Variants in SLC17A8 observed in about 807,000 individuals in gnomAD.
The protein encoded by SLC17A8 is solute carrier family 17 member 8.
A neutral mutation model predicts 58.0 loss-of-function variants in SLC17A8; 31 were observed. That is an observed-to-expected ratio of 0.53 (90% CI 0.40 to 0.72). The LOEUF (loss-of-function observed/expected upper bound fraction) is 0.72, where lower values mean the gene tolerates loss of function less well. Ranked by LOEUF, SLC17A8 falls within the 30% of genes least tolerant of loss-of-function variation. The pLI is 0.00. For synonymous variants in SLC17A8, 228 were observed against 249.0 expected, an observed-to-expected ratio of 0.92 and a Z score of 0.79; for missense variants, 655 against 727.8, an observed-to-expected ratio of 0.90 and a Z score of 1.15.
At position 100,393,440 on chromosome 12, in the gene SLC17A8, A is replaced by G; in HGVS notation, c.545A>G (p.Tyr182Cys). ...ATTCCCTCTGCAGCCAGAGTGCATT[A>G]CGGATGCGTCATGTGTGTCAGAATT... ...MFIPSAARVHYGCVMCVRILQ... is the reference protein window; with the variant it reads ...MFIPSAARVHCGCVMCVRILQ... Residue 182 changes from tyrosine to cysteine, a missense_variant, in exon 4 of 12, where the codon TAC (tyrosine) becomes TGC (cysteine). Physicochemically the swap from Tyr to Cys is radical, Grantham distance 194. Transcript: ENST00000323346. 1 of 1,613,814 alleles carries G rather than the reference A, an allele frequency of 6.2e-7. No individual in the cohort carries two copies. The highest frequency in any genetic ancestry group is 1.1e-5 in the South Asian group (1 of 91,076).
chr12:100,378,731 AC>A (rs1191731382), intron 1 of SLC17A8, among the ~76,000 whole-genome samples: 1 of 151,984 alleles, frequency 6.6e-6, no homozygotes, highest in Non-Finnish European at 1.5e-5. Flanking sequence ...AACTGCATAG[AC>A]CCCATCAGTA....
chr12:100,386,845 T>C (rs964349112), intron 2 of SLC17A8, among the ~76,000 whole-genome samples: 1 of 152,042 alleles, frequency 6.6e-6, no homozygotes, highest in East Asian at 1.9e-4. Flanking sequence ...TGTGCCACCA[T>C]GCCAGGCTAA....
intron 2 of SLC17A8, among the ~76,000 whole-genome samples, chr12:100,382,904 G>A (rs995058193): frequency 6.6e-6 from 1 of 152,162 alleles, no homozygotes; most frequent in African/African-American, 2.4e-5. Context: ...TTCAAACCAA[G>A]AGATTATTCT....
intron 1 of SLC17A8, among the ~76,000 whole-genome samples, chr12:100,363,902 G>A (rs539970474): frequency 2.6e-5 from 4 of 152,024 alleles, no homozygotes; most frequent in East Asian, 3.9e-4. Context: ...AAATTGCCAG[G>A]CGTGGTGGTG....
rs1301271713 is a variant in SLC17A8 at position 100,381,824 on chromosome 12, A to G, written c.354+871A>G. On this transcript the variant is annotated intron_variant, in intron 2 of 11. Transcript: ENST00000323346. Reference sequence around the variant, plus strand: ...AACATATGGGCTTCTTTAGTAGTACATCAGTGACAAAATCTAGTATTGGGT... The same window carrying G: ...AACATATGGGCTTCTTTAGTAGTACGTCAGTGACAAAATCTAGTATTGGGT... Among the ~76,000 whole-genome samples, 5 of 152,246 alleles carry G rather than the reference A, an allele frequency of 3.3e-5. No homozygotes were observed. In the East Asian group the frequency reaches 9.6e-4, roughly 29 times the overall value.
rs554909960 is a variant in SLC17A8 at position 100,357,224 on chromosome 12, G to T, written c.-168G>T. 67 of 644,996 alleles carry T rather than the reference G, an allele frequency of 1.0e-4. No homozygotes were observed. In the African/African-American group the frequency reaches 1.1e-3, roughly 11 times the overall value. 40.0% of individuals were successfully genotyped at this position (644,996 alleles called of 1,614,324 possible). ...AGGAGGGAGTTGTCTTATCTTGGAA[G>T]ATCCGAGCTGGGTTTCATCTCCTTT... is the stretch of plus-strand genomic sequence containing the variant. On this transcript the variant is annotated 5_prime_UTR_variant, in exon 1 of 12. Transcript: ENST00000323346.
At chr12:100,361,570 G>T (rs573683937) in intron 1 of SLC17A8, among the ~76,000 whole-genome samples, 1 of 152,246 alleles carries the variant, frequency 6.6e-6, no homozygotes, top group South Asian at 2.1e-4. Context: ...TCTTAGGTAG[G>T]TTCCCTAAAA....
intron 9 of SLC17A8, among the ~76,000 whole-genome samples, chr12:100,408,564 C>T (rs552144920): frequency 6.6e-6 from 1 of 152,280 alleles, no homozygotes; most frequent in African/African-American, 2.4e-5. Flanking sequence ...ACATGCAGCC[C>T]TGTCTCTAGT....
chr12:100,358,086 G>C (rs1007946636), intron 1 of SLC17A8, among the ~76,000 whole-genome samples: 13 of 152,138 alleles, frequency 8.5e-5, no homozygotes, highest in Non-Finnish European at 7.4e-5. Context: ...TGAGATTTTA[G>C]TCCAAACCAA....
At chr12:100,419,520 G>A (rs1952931783) in intron 11 of SLC17A8, among the ~76,000 whole-genome samples, 2 of 147,542 alleles carry the variant, frequency 1.4e-5, no homozygotes, top group Admixed American at 6.8e-5. Flanking sequence ...GTGACAGAGC[G>A]AGACTCCATC....
At chr12:100,375,499 C>A (rs981709950) in intron 1 of SLC17A8, among the ~76,000 whole-genome samples, 13 of 152,178 alleles carry the variant, frequency 8.5e-5, no homozygotes, top group Non-Finnish European at 1.9e-4. Flanking sequence ...GAAAGAACGG[C>A]CTCACATCCC....
chr12:100,397,378 T>G (rs1179706324), intron 5 of SLC17A8, among the ~76,000 whole-genome samples: 9 of 152,306 alleles, frequency 5.9e-5, no homozygotes, highest in African/African-American at 2.2e-4. Flanking sequence ...AAATTAATTT[T>G]TGTCATTATA....
At chr12:100,397,949 A>G (rs1952764589) in intron 5 of SLC17A8, among the ~76,000 whole-genome samples, 1 of 152,092 alleles carries the variant, frequency 6.6e-6, no homozygotes, top group African/African-American at 2.4e-5. Flanking sequence ...CTCAAAAAAA[A>G]AAAAAAGTAC....
intron 1 of SLC17A8, among the ~76,000 whole-genome samples, chr12:100,365,363 CAT>C (rs1371156556): frequency 6.6e-6 from 1 of 152,172 alleles, no homozygotes; most frequent in African/African-American, 2.4e-5. Flanking sequence ...CCAGAAACCT[CAT>C]ATAGTGTCTT....
Position 100,408,570 on chromosome 12 carries a change from C to T in SLC17A8, c.1187-4200C>T, listed in dbSNP as rs376479254. On this transcript the variant is annotated intron_variant, in intron 9 of 11. Transcript: ENST00000323346. The stretch of plus-strand genomic sequence containing the variant: ...GCTCCTGAAACATGCAGCCCTGTCT[C>T]TAGTATTTTAACTGTCAGTAGAAAC... Among the ~76,000 whole-genome samples, 35 of 152,278 alleles carry T rather than the reference C, an allele frequency of 2.3e-4. No individual in the cohort carries two copies. The East Asian group carries it at 6.0e-3, about 26-fold the overall frequency.
At position 100,420,860 on chromosome 12, in the gene SLC17A8, A is replaced by G. The variant is rs1203821084; in HGVS notation, c.*701A>G. ...CACTTTAGCAGGTGTTGGGGAAGGG[A>G]AACATTTGGGTTGATGAGGCAGAGG... On this transcript the variant is annotated 3_prime_UTR_variant, in exon 12 of 12. Coordinates refer to ENST00000323346, the MANE Select transcript of SLC17A8 (RefSeq NM_139319.3). The G allele has an allele frequency of 6.6e-6, 1 of 152,484 alleles. No individual in the cohort carries two copies. The highest frequency in any genetic ancestry group is 6.5e-5 in the Admixed American group (1 of 15,308). 9.4% of individuals were successfully genotyped at this position (152,484 alleles called of 1,614,324 possible). A position where few individuals can be genotyped will look rare whatever the true frequency, so the allele number is the denominator to read the frequency against.
Position 100,380,623 on chromosome 12 carries a change from T to G in SLC17A8, c.102-78T>G, listed in dbSNP as rs1042460069. ...TTTTGTTTTTCATCTGCTGGTACCT[T>G]TTTTCTTTTTGCTTAGTATACTTTC... is the stretch of plus-strand genomic sequence containing the variant. On this transcript the variant is annotated intron_variant, in intron 1 of 11. Coordinates refer to ENST00000323346, the MANE Select transcript of SLC17A8 (RefSeq NM_139319.3). 6 of 1,568,108 alleles carry G rather than the reference T, an allele frequency of 3.8e-6. No homozygotes were observed. The African/African-American group carries it at 8.2e-5, about 21-fold the overall frequency.
intron 1 of SLC17A8, among the ~76,000 whole-genome samples, chr12:100,358,861 GC>G (rs1384406221): frequency 6.6e-6 from 1 of 152,172 alleles, no homozygotes; most frequent in Non-Finnish European, 1.5e-5. Context: ...AAAACCATAG[GC>G]CGGGCGCAGT....
At chr12:100,366,404 G>T (rs912045506) in intron 1 of SLC17A8, among the ~76,000 whole-genome samples, 2 of 152,122 alleles carry the variant, frequency 1.3e-5, no homozygotes, top group Non-Finnish European at 2.9e-5. Flanking sequence ...ACGATCCTGT[G>T]CCAGGACTCC....
Sources: allele counts gnomAD v4.1 joint callset (sites outside exome capture counted in the v4.1 genomes callset), GRCh38; gene constraint gnomAD v4.1.1; transcripts MANE v1.5; gene names NCBI Gene and HGNC (gene_info 2026-07-23, HGNC 2026-07-21).